Variants in ABTB3 observed in about 807,000 individuals in gnomAD.
ABTB3 encodes the protein ankyrin repeat and BTB domain containing 3.
At chr12:107,469,697 G>A in the ABTB3 span, among the ~76,000 whole-genome samples, 1 of 152,078 alleles carries the variant, frequency 6.6e-6, no homozygotes, top group Admixed American at 6.5e-5. Context: ...GTTAATATAA[G>A]GACAGTGCCT....
the ABTB3 span, chr12:107,617,050 T>G: frequency 6.3e-7 from 1 of 1,593,764 alleles, no homozygotes; most frequent in Non-Finnish European, 8.6e-7. Flanking sequence ...GCACAGTGTA[T>G]CTCCTCTCAC....
chr12:107,644,616 A>AT, the ABTB3 span, among the ~76,000 whole-genome samples: 5 of 152,164 alleles, frequency 3.3e-5, no homozygotes, highest in Non-Finnish European at 7.4e-5. Flanking sequence ...GAAAATTCAC[A>AT]TTTTAACCTT....
At chr12:107,552,533 G>A in the ABTB3 span, among the ~76,000 whole-genome samples, 2 of 152,140 alleles carry the variant, frequency 1.3e-5, no homozygotes, top group African/African-American at 2.4e-5. Flanking sequence ...ACCTACTTTT[G>A]TTGATTTGTG....
At chr12:107,415,427 G>T in the ABTB3 span, among the ~76,000 whole-genome samples, 3 of 152,042 alleles carry the variant, frequency 2.0e-5, no homozygotes, top group Admixed American at 6.6e-5. Flanking sequence ...ACACAAACTG[G>T]GCTGGGCGTG....
chr12:107,429,951 G>A, the ABTB3 span, among the ~76,000 whole-genome samples: 1 of 152,136 alleles, frequency 6.6e-6, no homozygotes, highest in Non-Finnish European at 1.5e-5. Context: ...CATGTTTTAT[G>A]TTCTAATTAT....
the ABTB3 span, among the ~76,000 whole-genome samples, chr12:107,584,280 G>A: frequency 6.6e-6 from 1 of 152,198 alleles, no homozygotes; most frequent in Non-Finnish European, 1.5e-5. Flanking sequence ...TACAGTCCGT[G>A]TGGTGTGTAC....
chr12:107,327,419 G>A, the ABTB3 span, among the ~76,000 whole-genome samples: 1 of 152,120 alleles, frequency 6.6e-6, no homozygotes, highest in Non-Finnish European at 1.5e-5. Flanking sequence ...TTGGGGTTTA[G>A]ACATAGTTGT....
At chr12:107,587,544 G>A in the ABTB3 span, among the ~76,000 whole-genome samples, 1 of 152,148 alleles carries the variant, frequency 6.6e-6, no homozygotes, top group Admixed American at 6.5e-5. Context: ...TGTTTAATGG[G>A]TTCAGAGTTT....
chr12:107,587,322 C>T, the ABTB3 span, among the ~76,000 whole-genome samples: 5 of 152,258 alleles, frequency 3.3e-5, no homozygotes, highest in African/African-American at 9.6e-5. Context: ...TGGGCTGAGG[C>T]GGGCAGGGGC....
chr12:107,430,169 A>G, the ABTB3 span, among the ~76,000 whole-genome samples: 1 of 152,252 alleles, frequency 6.6e-6, no homozygotes, highest in South Asian at 2.1e-4. Context: ...CACCTAAAAT[A>G]TGATTTTAAA....
the ABTB3 span, among the ~76,000 whole-genome samples, chr12:107,495,317 G>A: frequency 3.9e-5 from 6 of 152,344 alleles, no homozygotes; most frequent in African/African-American, 1.2e-4. Context: ...TGGTGTTCCC[G>A]CGTTCGTGTG....
At chr12:107,319,840 C>A in the ABTB3 span, 3 of 1,244,224 alleles carry the variant, frequency 2.4e-6, no homozygotes, top group Non-Finnish European at 2.1e-6. Context: ...GCGGCGGCGC[C>A]TGCAGCGCAG....
At chr12:107,604,938 A>T in the ABTB3 span, among the ~76,000 whole-genome samples, 14 of 152,362 alleles carry the variant, frequency 9.2e-5, no homozygotes, top group South Asian at 6.2e-4. Context: ...GTCTTAAAAA[A>T]AAGAAGGAAA....
chr12:107,473,805 C>CTTTTTTTTTTT, the ABTB3 span, among the ~76,000 whole-genome samples: 2 of 142,310 alleles, frequency 1.4e-5, no homozygotes, highest in Non-Finnish European at 1.5e-5. Flanking sequence ...TTTTCTTTTT[C>CTTTTTTTTTTT]TTTTTTTTTT....
At chr12:107,523,313 T>G in the ABTB3 span, among the ~76,000 whole-genome samples, 1 of 152,160 alleles carries the variant, frequency 6.6e-6, no homozygotes, top group Non-Finnish European at 1.5e-5. Context: ...TGCGCTTCCA[T>G]TCCCTTCAAA....
chr12:107,638,383 G>A, the ABTB3 span, among the ~76,000 whole-genome samples: 1 of 152,156 alleles, frequency 6.6e-6, no homozygotes, highest in Non-Finnish European at 1.5e-5. Context: ...AGTCAGCCAG[G>A]GTGAGCCCAA....
At chr12:107,542,354 G>A in the ABTB3 span, among the ~76,000 whole-genome samples, 29 of 150,510 alleles carry the variant, frequency 1.9e-4, no homozygotes, top group African/African-American at 6.6e-4. Context: ...TTAGGCGGCT[G>A]TCTCCCAAAG....
chr12:107,441,538 T>C, the ABTB3 span, among the ~76,000 whole-genome samples: 3 of 151,984 alleles, frequency 2.0e-5, no homozygotes, highest in East Asian at 5.8e-4. Flanking sequence ...GATGGGTTGA[T>C]AGGTGTAGCA....
the ABTB3 span, among the ~76,000 whole-genome samples, chr12:107,448,622 G>GTTCT: frequency 0.01 from 1,557 of 151,552 alleles, 8 homozygotes; most frequent in Middle Eastern, 0.021. Flanking sequence ...GAACCTGTAT[G>GTTCT]TTCTTTCTTT....
Sources: allele counts gnomAD v4.1 joint callset (sites outside exome capture counted in the v4.1 genomes callset), GRCh38; gene constraint gnomAD v4.1.1; transcripts MANE v1.5; gene names NCBI Gene and HGNC (gene_info 2026-07-23, HGNC 2026-07-21).